Variants in EFHD1 observed in about 807,000 individuals in gnomAD.
EFHD1 encodes EF-hand domain family member D1.
Under a neutral mutation model 17.2 loss-of-function variants are expected in EFHD1, and 10 were observed. The ratio of observed to expected loss-of-function variants is 0.58; its 90% CI spans 0.36 to 0.99. EFHD1 has a LOEUF of 0.99. Ranked by LOEUF, EFHD1 falls within the 50% of genes least tolerant of loss-of-function variation. EFHD1 has a pLI of 0.01. For synonymous variants in EFHD1, 153 were observed against 142.0 expected (o/e 1.08, Z -0.55); for missense variants, 310 against 327.5 (o/e 0.95, Z 0.41).
rs187617947 is a variant in EFHD1 at position 232,652,385 on chromosome 2, C to T, written c.303-10417C>T. On this transcript the variant is annotated intron_variant, in intron 1 of 3. Coordinates refer to ENST00000264059, the MANE Select transcript of EFHD1 (RefSeq NM_025202.4). ...ACACTGAGCACACACTGTGCCTTCT[C>T]TAGCCCCTTCCAAGTTCACGGGTAC... 2.4e-4 allele frequency among the ~76,000 whole-genome samples: 37 copies of T among 152,258 alleles called. No individual in the cohort carries two copies. The East Asian group carries it at 6.8e-3, about 28-fold the overall frequency.
intron 1 of EFHD1, among the ~76,000 whole-genome samples, chr2:232,608,451 A>G (rs1166069352): frequency 6.6e-6 from 1 of 152,208 alleles, no homozygotes. Context: ...TACCTAATAC[A>G]ATGTAAATGC....
At position 232,681,988 on chromosome 2, in the gene EFHD1, A is replaced by G. The variant is rs1424527031; in HGVS notation, c.*269A>G. ...AGCCAGAACTTGTATCTTCTCAGCAACCTTCACTTTGTCCTTGTCCCTTTA... is the reference window on the plus strand; with the variant it reads ...AGCCAGAACTTGTATCTTCTCAGCAGCCTTCACTTTGTCCTTGTCCCTTTA... On this transcript the variant is annotated 3_prime_UTR_variant, in exon 4 of 4. Coordinates refer to ENST00000264059, the MANE Select transcript of EFHD1 (RefSeq NM_025202.4). 14 of 410,662 alleles carry G rather than the reference A, an allele frequency of 3.4e-5. No homozygotes were observed. The highest frequency in any genetic ancestry group is 5.6e-5 in the Non-Finnish European group (13 of 230,712). The allele number at this position is 410,662 out of a possible 1,614,324, so 25.4% of individuals were successfully genotyped here. A position where few individuals can be genotyped will look rare whatever the true frequency, so the allele number is the denominator to read the frequency against.
At chr2:232,673,383 G>A (rs1476509786) in intron 3 of EFHD1, among the ~76,000 whole-genome samples, 1 of 152,176 alleles carries the variant, frequency 6.6e-6, no homozygotes, top group Non-Finnish European at 1.5e-5. Flanking sequence ...GGTGATACGT[G>A]CTCTAGTTGA....
intron 1 of EFHD1, among the ~76,000 whole-genome samples, chr2:232,608,775 C>A (rs1559334027): frequency 6.6e-6 from 1 of 151,816 alleles, no homozygotes; most frequent in Non-Finnish European, 1.5e-5. Flanking sequence ...CTAAAAAGTA[C>A]AAAAATTAGC....
At chr2:232,646,769 G>T (rs1694537406) in intron 1 of EFHD1, among the ~76,000 whole-genome samples, 1 of 152,126 alleles carries the variant, frequency 6.6e-6, no homozygotes, top group African/African-American at 2.4e-5. Flanking sequence ...TTCTTATGAT[G>T]CTCCCCCACC....
chr2:232,607,468 A>G (rs1693739367), intron 1 of EFHD1, among the ~76,000 whole-genome samples: 1 of 151,058 alleles, frequency 6.6e-6, no homozygotes, highest in African/African-American at 2.4e-5. Flanking sequence ...GTAGCAGGCA[A>G]CTGTTACCCC....
intron 1 of EFHD1, among the ~76,000 whole-genome samples, chr2:232,634,388 C>T (rs564737744): frequency 6.6e-6 from 1 of 152,362 alleles, no homozygotes; most frequent in South Asian, 2.1e-4. Context: ...TCACTGTATC[C>T]CCCCAAGGGA....
upstream of EFHD1, among the ~76,000 whole-genome samples, chr2:232,632,926 C>T (rs1010599483): frequency 2.0e-5 from 3 of 152,232 alleles, no homozygotes; most frequent in Non-Finnish European, 2.9e-5. Context: ...CAGGTTTCTT[C>T]TCTTTTCTTG....
chr2:232,651,126 T>TGG (rs952978695), intron 1 of EFHD1, among the ~76,000 whole-genome samples: 1 of 152,130 alleles, frequency 6.6e-6, no homozygotes, highest in Non-Finnish European at 1.5e-5. Context: ...GGCCCAGGGC[T>TGG]GGGGCTCTGT....
chr2:232,680,798 C>T (rs760709509), intron 3 of EFHD1, among the ~76,000 whole-genome samples: 5 of 151,952 alleles, frequency 3.3e-5, no homozygotes, highest in East Asian at 2.0e-4. Context: ...CTTGAGTCAC[C>T]GCGCCCAGCC....
chr2:232,658,365 A>G (rs12328052), intron 1 of EFHD1, among the ~76,000 whole-genome samples: 51,084 of 150,042 alleles, frequency 0.34, 9,923 homozygotes, highest in Non-Finnish European at 0.45. Context: ...GCCTAATTGT[A>G]TCCATACTTC....
At position 232,641,978 on chromosome 2, in the gene EFHD1, G is replaced by GC. The variant is rs138801751; in HGVS notation, c.302+7973dup. On this transcript the variant is annotated intron_variant, in intron 1 of 3. Coordinates refer to ENST00000264059, the MANE Select transcript of EFHD1 (RefSeq NM_025202.4). ...GGGCTGAGGAAGCCTCGCAGCTGGCGCTCACAGCTGGAGCCCCGGGGTAAC... is the reference window on the plus strand; with the variant it reads ...GGGCTGAGGAAGCCTCGCAGCTGGCGCCTCACAGCTGGAGCCCCGGGGTAAC... Among the ~76,000 whole-genome samples, 396 of 152,292 alleles carry GC rather than the reference G, an allele frequency of 2.6e-3. 5 individuals carry two copies. In the East Asian group the frequency reaches 0.035, roughly 14 times the overall value.
chr2:232,677,270 CACAT>C lies in EFHD1; in HGVS notation c.586-4311_586-4308del, dbSNP rs1291989457. On this transcript the variant is annotated intron_variant, in intron 3 of 3. Transcript: ENST00000264059. Reference sequence around the variant, plus strand: ...CACACACACATCTTTCTATAACACACACATACACACACACACACACACACGTACA... The same window carrying C: ...CACACACACATCTTTCTATAACACACACACACACACACACACACACGTACA... 0.01 allele frequency among the ~76,000 whole-genome samples: 337 copies of C among 32,248 alleles called. 11 individuals are homozygous for C. In the Admixed American group the frequency reaches 0.11, roughly 10 times the overall value. The allele number at this position is 32,248 out of a possible 152,430, so 21.2% of individuals were successfully genotyped here. A position where few individuals can be genotyped will look rare whatever the true frequency, so the allele number is the denominator to read the frequency against.
intron 2 of EFHD1, among the ~76,000 whole-genome samples, chr2:232,666,171 A>G (rs1409007066): frequency 2.6e-5 from 4 of 152,188 alleles, no homozygotes; most frequent in Non-Finnish European, 4.4e-5. Flanking sequence ...AACCTGAGAT[A>G]CGATTCACAG....
intron 3 of EFHD1, among the ~76,000 whole-genome samples, chr2:232,680,954 G>T (rs908513649): frequency 2.0e-5 from 3 of 152,086 alleles, no homozygotes; most frequent in African/African-American, 7.2e-5. Context: ...ATCACCTGAA[G>T]TCAGGAGTTC....
chr2:232,681,892 A>T lies in EFHD1; in HGVS notation c.*173A>T. 1 of 1,086,718 alleles carries T rather than the reference A, an allele frequency of 9.2e-7. No homozygotes were observed. Among genetic ancestry groups the T allele is most frequent in the Non-Finnish European group, 1.3e-6 (1 of 786,730 alleles). 67.3% of individuals were successfully genotyped at this position (1,086,718 alleles called of 1,614,324 possible). On this transcript the variant is annotated 3_prime_UTR_variant, in exon 4 of 4. Coordinates refer to ENST00000264059, the MANE Select transcript of EFHD1 (RefSeq NM_025202.4). ...TTCCTCCCAGTGTCCAAGCCCCTCCAGGAGGGTCCTGGGGTGGGCCAGATG... is the reference window on the plus strand; with the variant it reads ...TTCCTCCCAGTGTCCAAGCCCCTCCTGGAGGGTCCTGGGGTGGGCCAGATG...
chr2:232,620,216 G>A (rs1320886598), intron 1 of EFHD1, among the ~76,000 whole-genome samples: 11 of 150,060 alleles, frequency 7.3e-5, no homozygotes, highest in East Asian at 2.0e-4. Context: ...GTGAAACCCC[G>A]TCTCTACTAA....
chr2:232,642,137 C>T (rs996370090), intron 1 of EFHD1, among the ~76,000 whole-genome samples: 2 of 152,068 alleles, frequency 1.3e-5, no homozygotes, highest in Non-Finnish European at 2.9e-5. Flanking sequence ...GTAATCCCAG[C>T]ACTTTGGGAG....
At chr2:232,681,506 T>C in intron 3 of EFHD1, 79 bp from the exon 4 acceptor site, 3 of 1,549,976 alleles carry the variant, frequency 1.9e-6, no homozygotes, top group Non-Finnish European at 2.6e-6. Context: ...CTGAATGGGC[T>C]GTTGGCTCAG....
Sources: allele counts gnomAD v4.1 joint callset (sites outside exome capture counted in the v4.1 genomes callset), GRCh38; gene constraint gnomAD v4.1.1; transcripts MANE v1.5; gene names NCBI Gene and HGNC (gene_info 2026-07-23, HGNC 2026-07-21).